The following SNX29 variants were observed in gnomAD, a reference collection of about 807,000 sequenced individuals.
The protein encoded by SNX29 is sorting nexin-29.
SNX29 carries 78 observed loss-of-function variants against 102.1 expected under a neutral mutation model. The ratio of observed to expected loss-of-function variants is 0.76; its 90% CI spans 0.64 to 0.92. SNX29 has a LOEUF of 0.92. SNX29 is among the 40% of genes least tolerant of loss of function. SNX29 has a pLI of 0.00. For missense variants in SNX29, 1,280 were observed against 1,061.7 expected, an observed-to-expected ratio of 1.21 and a Z score of -2.86; for synonymous variants, 580 against 414.5, an observed-to-expected ratio of 1.40 and a Z score of -4.85.
chr16:12,356,379 T>A (rs1313524389), intron 16 of SNX29, 100 bp downstream of exon 16: 1 of 1,069,974 alleles, frequency 9.3e-7, no homozygotes, highest in Non-Finnish European at 1.4e-6. Context: ...ATGCATCCAC[T>A]GGCCAGATTT....
At chr16:12,068,226 C>A (rs577350410) in intron 9 of SNX29, among the ~76,000 whole-genome samples, 3 of 152,128 alleles carry the variant, frequency 2.0e-5, no homozygotes, top group African/African-American at 7.2e-5. Flanking sequence ...TCTGTAATCC[C>A]AGCACTTTGG....
intron 14 of SNX29, among the ~76,000 whole-genome samples, chr16:12,258,449 C>G (rs2078638581): frequency 6.6e-6 from 1 of 152,164 alleles, no homozygotes; most frequent in African/African-American, 2.4e-5. Flanking sequence ...AGAGGCCCAG[C>G]CTCCATGTCT....
chr16:12,555,984 A>C (rs1381605866), intron 20 of SNX29, among the ~76,000 whole-genome samples: 2 of 144,848 alleles, frequency 1.4e-5, no homozygotes, highest in African/African-American at 5.0e-5. Flanking sequence ...TTCAATTTTC[A>C]AGTGTTTTTT....
intron 19 of SNX29, among the ~76,000 whole-genome samples, chr16:12,479,638 A>G (rs1348485143): frequency 6.6e-6 from 1 of 152,200 alleles, no homozygotes; most frequent in Admixed American, 6.5e-5. Context: ...AGAGGGGAAA[A>G]TTATATATTG....
chr16:12,529,860 G>C (rs74009119), intron 20 of SNX29, among the ~76,000 whole-genome samples: 3,135 of 152,262 alleles, frequency 0.021, 112 homozygotes, highest in African/African-American at 0.07. Context: ...CTGCTAACAG[G>C]AAGTAGCAAC....
intron 19 of SNX29, among the ~76,000 whole-genome samples, chr16:12,495,102 C>G (rs965573621): frequency 7.9e-5 from 12 of 152,218 alleles, no homozygotes; most frequent in Admixed American, 1.3e-4. Flanking sequence ...GATACTCCAT[C>G]CCTCACCCTT....
chr16:12,482,839 A>T (rs1386092219), intron 19 of SNX29, among the ~76,000 whole-genome samples: 1 of 152,188 alleles, frequency 6.6e-6, no homozygotes, highest in Non-Finnish European at 1.5e-5. Context: ...CCCAATTTGA[A>T]TCTTTTTTAA....
intron 9 of SNX29, 124 bp from the exon 10 acceptor site, chr16:12,068,933 A>T (rs532826234): frequency 1.2e-6 from 1 of 822,346 alleles, no homozygotes; most frequent in Non-Finnish European, 2.0e-6. Flanking sequence ...TGCAGGAGAG[A>T]TGGAGAAAAA....
intron 15 of SNX29, among the ~76,000 whole-genome samples, chr16:12,302,564 G>T (rs1324479191): frequency 6.6e-6 from 1 of 152,196 alleles, no homozygotes; most frequent in Non-Finnish European, 1.5e-5. Context: ...AAGGACAGGG[G>T]GTCTCTGGGG....
chr16:12,128,012 T>A (rs1359798380), intron 12 of SNX29, among the ~76,000 whole-genome samples: 1 of 152,160 alleles, frequency 6.6e-6, no homozygotes, highest in East Asian at 1.9e-4. Flanking sequence ...ACAGTCATGA[T>A]TCTCCTTCAA....
chr16:12,314,872 G>A (rs1394009805), intron 15 of SNX29, among the ~76,000 whole-genome samples: 1 of 152,158 alleles, frequency 6.6e-6, no homozygotes, highest in African/African-American at 2.4e-5. Context: ...TGACACACAC[G>A]ATGTTATTCT....
At chr16:12,329,325 G>A (rs893783340) in intron 15 of SNX29, among the ~76,000 whole-genome samples, 14 of 148,798 alleles carry the variant, frequency 9.4e-5, no homozygotes, top group African/African-American at 2.7e-4. Flanking sequence ...AGCTCTAGGC[G>A]TCCATCTCAG....
At chr16:12,441,246 C>T (rs1293206768) in intron 18 of SNX29, among the ~76,000 whole-genome samples, 1 of 151,964 alleles carries the variant, frequency 6.6e-6, no homozygotes, top group East Asian at 1.9e-4. Flanking sequence ...TGCCACTGCA[C>T]CCGGCTGATT....
intron 17 of SNX29, among the ~76,000 whole-genome samples, chr16:12,399,020 T>G (rs2083833838): frequency 6.6e-6 from 1 of 152,166 alleles, no homozygotes; most frequent in African/African-American, 2.4e-5. Context: ...TTGGCACCTC[T>G]GCTGAGCCAC....
chr16:12,031,858 G>C (rs1012177585), intron 4 of SNX29, among the ~76,000 whole-genome samples: 1 of 151,994 alleles, frequency 6.6e-6, no homozygotes, highest in Admixed American at 6.6e-5. Flanking sequence ...TATACATAAT[G>C]AAATTTACCA....
At chr16:12,561,963 G>A (rs5018328) in intron 20 of SNX29, among the ~76,000 whole-genome samples, 39,785 of 151,954 alleles carry the variant, frequency 0.26, 5,796 homozygotes, top group East Asian at 0.44. Flanking sequence ...GGGGCATGAT[G>A]TCCCCAGAGT....
chr16:12,121,290 G>A (rs1453869375), intron 11 of SNX29, among the ~76,000 whole-genome samples: 2 of 152,322 alleles, frequency 1.3e-5, no homozygotes, highest in East Asian at 3.9e-4. Flanking sequence ...GGATTGTTTG[G>A]CTGTGAGGAC....
At chr16:12,155,122 C>G (rs1188511688) in intron 13 of SNX29, among the ~76,000 whole-genome samples, 2 of 152,158 alleles carry the variant, frequency 1.3e-5, no homozygotes, top group African/African-American at 4.8e-5. Flanking sequence ...CTTGCTTGTC[C>G]TGCCCCCGTT....
At chr16:12,408,382 C>T (rs1436719564) in intron 18 of SNX29, among the ~76,000 whole-genome samples, 1 of 152,232 alleles carries the variant, frequency 6.6e-6, no homozygotes, top group East Asian at 1.9e-4. Context: ...CCCTCCACAT[C>T]CAAGAGCCAG....
Sources: gnomAD v4.1 joint callset for allele counts (sites outside exome capture counted in the v4.1 genomes callset) on GRCh38, gnomAD v4.1.1 for gene constraint, MANE v1.5 for transcripts, NCBI Gene and HGNC (gene_info 2026-07-23, HGNC 2026-07-21) for gene names.